The following ELAVL2 variants were observed in gnomAD, a reference collection of about 807,000 sequenced individuals.
ELAVL2 encodes ELAV-like protein 2.
Under a neutral mutation model 34.6 loss-of-function variants are expected in ELAVL2, and 4 were observed. That is an observed-to-expected ratio of 0.12 (90% confidence interval 0.06 to 0.26). ELAVL2 has a LOEUF of 0.26. ELAVL2 is among the 10% of genes least tolerant of loss of function. The pLI, the probability that ELAVL2 is intolerant of heterozygous loss-of-function variation, is 1.00. For missense variants in ELAVL2, 432 were observed against 442.8 expected, an observed-to-expected ratio of 0.98 and a Z score of 0.22; for synonymous variants, 193 against 154.8, an observed-to-expected ratio of 1.25 and a Z score of -1.83.
chr9:23,764,908 A>T, intron 1 of ELAVL2: 1 of 1,158,600 alleles, frequency 8.6e-7, no homozygotes. Flanking sequence ...AAGAATAATT[A>T]GTATGCCAAA....
intron 1 of ELAVL2, among the ~76,000 whole-genome samples, chr9:23,811,319 T>C (rs1360800483): frequency 6.8e-6 from 1 of 147,570 alleles, no homozygotes; most frequent in Admixed American, 6.9e-5. Context: ...AGCTGTTCGA[T>C]CACCTTTCAA....
intron 2 of ELAVL2, among the ~76,000 whole-genome samples, chr9:23,733,335 G>T (rs951051560): frequency 1.6e-4 from 25 of 152,146 alleles, no homozygotes; most frequent in African/African-American, 6.0e-4. Context: ...TGAACTCCTG[G>T]ACTCAAGCGA....
intron 3 of ELAVL2, among the ~76,000 whole-genome samples, chr9:23,716,357 A>G (rs1295543735): frequency 6.6e-6 from 1 of 152,184 alleles, no homozygotes; most frequent in Non-Finnish European, 1.5e-5. Flanking sequence ...TTTTGTATGA[A>G]ACAAAAAAGC....
At chr9:23,769,742 C>T (rs559688655) in intron 1 of ELAVL2, among the ~76,000 whole-genome samples, 4 of 152,312 alleles carry the variant, frequency 2.6e-5, no homozygotes, top group African/African-American at 9.6e-5. Context: ...ATGCACTGAA[C>T]AGCTGCACGC....
chr9:23,768,141 AT>A (rs1251289787), intron 1 of ELAVL2, among the ~76,000 whole-genome samples: 2 of 152,156 alleles, frequency 1.3e-5, no homozygotes, highest in African/African-American at 2.4e-5. Context: ...TGCCTATCAA[AT>A]GAAGTGTAAA....
chr9:23,816,645 G>A (rs1369958891), intron 1 of ELAVL2, among the ~76,000 whole-genome samples: 2 of 152,046 alleles, frequency 1.3e-5, no homozygotes, highest in Non-Finnish European at 2.9e-5. Flanking sequence ...AGTAACACAC[G>A]TTTAGGAGAA....
chr9:23,775,606 C>T (rs147612200), intron 1 of ELAVL2, among the ~76,000 whole-genome samples: 1 of 152,202 alleles, frequency 6.6e-6, no homozygotes, highest in Non-Finnish European at 1.5e-5. Flanking sequence ...GGCAGCACTC[C>T]ACTACTATCT....
intron 2 of ELAVL2, among the ~76,000 whole-genome samples, chr9:23,761,131 T>A (rs2054887843): frequency 6.6e-6 from 1 of 152,108 alleles, no homozygotes; most frequent in African/African-American, 2.4e-5. Flanking sequence ...ATTTCAAATA[T>A]TCCATTTTAT....
chr9:23,759,754 T>TTATATATATATATATATATATA (rs774471922), intron 2 of ELAVL2, among the ~76,000 whole-genome samples: 33 of 81,340 alleles, frequency 4.1e-4, no homozygotes, highest in East Asian at 1.5e-3. Context: ...ATATATAGTA[T>TTATATATATATATATATATATA]TATATATATA....
chr9:23,692,314 A>T lies in ELAVL2; in HGVS notation c.*243T>A. On this transcript the variant is annotated 3_prime_UTR_variant, in exon 7 of 7. Transcript: ENST00000397312. ...CCACCTTCTTCAAAGAAGGCAATAGAATGCAATGTGACAGGTAAAAACCCT... is the reference window on the plus strand; with the variant it reads ...CCACCTTCTTCAAAGAAGGCAATAGTATGCAATGTGACAGGTAAAAACCCT... 2.3e-6 allele frequency: 1 copy of T among 441,670 alleles called. No individual in the cohort carries two copies. Among genetic ancestry groups the T allele is most frequent in the South Asian group, 4.3e-5 (1 of 23,150 alleles). 27.4% of individuals were successfully genotyped at this position (441,670 alleles called of 1,614,324 possible).
chr9:23,750,258 T>C (rs1452419965), intron 2 of ELAVL2, among the ~76,000 whole-genome samples: 2 of 152,098 alleles, frequency 1.3e-5, no homozygotes, highest in Non-Finnish European at 1.5e-5. Context: ...GAGCTGGGGA[T>C]ATAATGGAAT....
At chr9:23,826,615 C>G (rs1278198454), upstream of ELAVL2, among the ~76,000 whole-genome samples, 1 of 152,212 alleles carries the variant, frequency 6.6e-6, no homozygotes, top group Non-Finnish European at 1.5e-5. Context: ...AGGGTTGGAA[C>G]TGTACTATCA....
chr9:23,725,790 A>G (rs1217331597), intron 3 of ELAVL2, among the ~76,000 whole-genome samples: 3 of 152,142 alleles, frequency 2.0e-5, no homozygotes, highest in African/African-American at 7.2e-5. Flanking sequence ...TCATCAAATC[A>G]TTTTATGCAA....
At chr9:23,814,942 T>A (rs552700621) in intron 1 of ELAVL2, among the ~76,000 whole-genome samples, 5 of 150,416 alleles carry the variant, frequency 3.3e-5, no homozygotes, top group Non-Finnish European at 5.9e-5. Context: ...TATACACAAA[T>A]GATGCCTAAA....
At chr9:23,802,537 C>T (rs889541889) in intron 1 of ELAVL2, among the ~76,000 whole-genome samples, 1 of 152,194 alleles carries the variant, frequency 6.6e-6, no homozygotes, top group Admixed American at 6.5e-5. Flanking sequence ...CTCCTCCCTA[C>T]AATACAGATT....
chr9:23,843,702 A>G, the ELAVL2 span, among the ~76,000 whole-genome samples: 1 of 151,924 alleles, frequency 6.6e-6, no homozygotes, highest in Non-Finnish European at 1.5e-5. Flanking sequence ...ATCACAGGCA[A>G]TCTCCCTCAT....
chr9:23,748,038 G>A (rs2050940237), intron 2 of ELAVL2, among the ~76,000 whole-genome samples: 1 of 152,004 alleles, frequency 6.6e-6, no homozygotes, highest in Non-Finnish European at 1.5e-5. Context: ...GTCTCCCAAG[G>A]TTGCTTCAGA....
chr9:23,692,456 C>G lies in ELAVL2; in HGVS notation c.*101G>C. The G allele has an allele frequency of 7.9e-7, 1 of 1,266,258 alleles. No individual in the cohort carries two copies. The highest frequency in any genetic ancestry group is 2.5e-5 in the East Asian group (1 of 39,450). 78.4% of individuals were successfully genotyped at this position (1,266,258 alleles called of 1,614,324 possible). A position where few individuals can be genotyped will look rare whatever the true frequency, so the allele number is the denominator to read the frequency against. On this transcript the variant is annotated 3_prime_UTR_variant, in exon 7 of 7. Coordinates refer to ENST00000397312, the MANE Select transcript of ELAVL2 (RefSeq NM_004432.5). ...CTAAGTAGTCATTTTATCCCCATCT[C>G]AACACTGACTTACAAAGACATTTAC...
chr9:23,796,008 T>C (rs1005283883), intron 1 of ELAVL2, among the ~76,000 whole-genome samples: 16 of 152,234 alleles, frequency 1.1e-4, no homozygotes, highest in Admixed American at 2.0e-4. Flanking sequence ...TTTGGAATAT[T>C]ATGAAAACGA....
Sources: gnomAD v4.1 joint callset for allele counts (sites outside exome capture counted in the v4.1 genomes callset) on GRCh38, gnomAD v4.1.1 for gene constraint, MANE v1.5 for transcripts, NCBI Gene and HGNC (gene_info 2026-07-23, HGNC 2026-07-21) for gene names.